LYRM7: variants seen among roughly 807,000 people sequenced by gnomAD.
LYRM7 encodes the protein LYR motif containing 7.
Under a neutral mutation model 15.8 loss-of-function variants are expected in LYRM7, and 9 were observed. The observed-to-expected ratio is 0.57, with a 90% confidence interval of 0.34 to 0.99. The LOEUF is 0.99. Ranked by LOEUF, LYRM7 falls within the 50% of genes least tolerant of loss-of-function variation. The pLI, the probability that LYRM7 is intolerant of heterozygous loss-of-function variation, is 0.02. For missense variants in LYRM7, 115 were observed against 119.1 expected (o/e 0.97, Z 0.16); for synonymous variants, 39 against 39.4 (o/e 0.99, Z 0.04).
At chr5:131,179,202 T>G (rs1755648623) in intron 1 of LYRM7, among the ~76,000 whole-genome samples, 1 of 152,022 alleles carries the variant, frequency 6.6e-6, no homozygotes, top group Non-Finnish European at 1.5e-5. Flanking sequence ...TAACCATCCT[T>G]ATATTGTTTT....
At chr5:131,188,037 G>A (rs115678673) in intron 4 of LYRM7, among the ~76,000 whole-genome samples, 1,697 of 151,918 alleles carry the variant, frequency 0.011, 22 homozygotes, top group African/African-American at 0.038. Flanking sequence ...CAGGAGTCTA[G>A]ATTGAGCCCA....
chr5:131,180,024 A>G, intron 1 of LYRM7, 71 bp from the exon 2 acceptor site: 1 of 1,023,098 alleles, frequency 9.8e-7, no homozygotes, highest in Non-Finnish European at 1.5e-6. Flanking sequence ...CTGCTACCTC[A>G]ACTTCCCAAA....
Position 131,204,460 on chromosome 5 carries a change from A to G in LYRM7, c.*4859A>G, listed in dbSNP as rs893352105. On this transcript the variant is annotated 3_prime_UTR_variant, in exon 5 of 5. Transcript: ENST00000379380. ...GAATATTTTCCAAGAGTTGAAAAGG[A>G]TGAGGATACACACACACACACACAC... 7.1e-6 allele frequency: 1 copy of G among 140,760 alleles called. No homozygotes were observed. Among genetic ancestry groups the G allele is most frequent in the Non-Finnish European group, 1.5e-5 (1 of 65,866 alleles). 8.7% of individuals were successfully genotyped at this position (140,760 alleles called of 1,614,324 possible).
intron 4 of LYRM7, among the ~76,000 whole-genome samples, chr5:131,187,762 A>G (rs959278951): frequency 6.6e-6 from 1 of 152,026 alleles, no homozygotes; most frequent in Non-Finnish European, 1.5e-5. Flanking sequence ...CTGGTATTAC[A>G]TGCATGAGCC....
intron 4 of LYRM7, among the ~76,000 whole-genome samples, chr5:131,192,994 C>T (rs865866638): frequency 6.6e-6 from 1 of 152,014 alleles, no homozygotes; most frequent in Non-Finnish European, 1.5e-5. Flanking sequence ...CCCAGGACTT[C>T]GGGTCATTAT....
chr5:131,196,517 C>T (rs1755967901), intron 4 of LYRM7, among the ~76,000 whole-genome samples: 1 of 152,032 alleles, frequency 6.6e-6, no homozygotes, highest in Non-Finnish European at 1.5e-5. Flanking sequence ...CCTTTTCTCT[C>T]TTCTTCCCAT....
chr5:131,202,009 T>A lies in LYRM7; in HGVS notation c.*2408T>A, dbSNP rs1416670078. 6.6e-6 allele frequency: 1 copy of A among 151,882 alleles called. No individual in the cohort carries two copies. Among genetic ancestry groups the A allele is most frequent in the African/African-American group, 2.4e-5 (1 of 41,354 alleles). 9.4% of individuals were successfully genotyped at this position (151,882 alleles called of 1,614,324 possible). ...CCACCACACCTAGCTATTTTTTTTATTTTTAGTAAGGACAAGGTCTCATTA... is the reference window on the plus strand; with the variant it reads ...CCACCACACCTAGCTATTTTTTTTAATTTTAGTAAGGACAAGGTCTCATTA... On this transcript the variant is annotated 3_prime_UTR_variant, in exon 5 of 5. Coordinates refer to ENST00000379380, the MANE Select transcript of LYRM7 (RefSeq NM_181705.4).
chr5:131,182,649 A>G (rs1466349530), intron 3 of LYRM7, among the ~76,000 whole-genome samples: 6 of 152,174 alleles, frequency 3.9e-5, no homozygotes, highest in Non-Finnish European at 8.8e-5. Context: ...GGAAACTTCT[A>G]CTCTTAACTG....
intron 2 of LYRM7, 76 bp from the exon 3 acceptor site, chr5:131,182,153 G>A (rs1170357695): frequency 3.3e-6 from 4 of 1,220,620 alleles, no homozygotes; most frequent in Non-Finnish European, 4.4e-6. Flanking sequence ...CATTCATAGT[G>A]AATAATGTGT....
At chr5:131,184,280 T>G (rs1445565750) in intron 3 of LYRM7, among the ~76,000 whole-genome samples, 2 of 152,184 alleles carry the variant, frequency 1.3e-5, no homozygotes, top group Non-Finnish European at 2.9e-5. Flanking sequence ...TGCAATATGT[T>G]TTTTAGGTTG....
At chr5:131,180,039 T>C in intron 1 of LYRM7, 56 bp from the exon 2 acceptor site, 2 of 1,177,816 alleles carry the variant, frequency 1.7e-6, no homozygotes, top group Non-Finnish European at 2.5e-6. Context: ...CCCAAAGTGC[T>C]GGGATTACAG....
At chr5:131,188,147 G>A (rs1755826976) in intron 4 of LYRM7, among the ~76,000 whole-genome samples, 1 of 151,958 alleles carries the variant, frequency 6.6e-6, no homozygotes, top group African/African-American at 2.4e-5. Context: ...ATTCCAGCTA[G>A]TAGGGAGGCT....
rs150944820 is a variant in LYRM7, at chr5:131,190,711, G to C, written c.244+3602G>C. Among the ~76,000 whole-genome samples, 844 of 151,458 alleles carry C rather than the reference G, an allele frequency of 5.6e-3. 8 individuals carry two copies. Among genetic ancestry groups the C allele is most frequent in the African/African-American group, 0.02 (816 of 41,306 alleles). ...TCACCATGTTGGCCAGGCTGGTCTGGAACTCCTGACCTCAGGTGATCCACC... is the reference window on the plus strand; with the variant it reads ...TCACCATGTTGGCCAGGCTGGTCTGCAACTCCTGACCTCAGGTGATCCACC... On this transcript the variant is annotated intron_variant, in intron 4 of 4. Coordinates refer to ENST00000379380, the MANE Select transcript of LYRM7 (RefSeq NM_181705.4).
intron 1 of LYRM7, among the ~76,000 whole-genome samples, chr5:131,176,742 C>T (rs370462753): frequency 7.9e-5 from 12 of 151,558 alleles, no homozygotes; most frequent in African/African-American, 2.4e-4. Context: ...TCCCTTTTGG[C>T]GTCTCCCTTT....
intron 4 of LYRM7, among the ~76,000 whole-genome samples, chr5:131,197,541 CTTTTTTTTTT>C (rs60003952): frequency 2.9e-4 from 26 of 90,748 alleles, no homozygotes; most frequent in African/African-American, 1.0e-3. Flanking sequence ...TGTCTTCTGT[CTTTTTTTTTT>C]TTTTTTTTTT....
intron 4 of LYRM7, among the ~76,000 whole-genome samples, chr5:131,194,564 C>G (rs1427484447): frequency 2.6e-5 from 4 of 152,206 alleles, no homozygotes; most frequent in Admixed American, 2.6e-4. Context: ...GTATTCAGCA[C>G]AGAATCTGTT....
intron 2 of LYRM7, among the ~76,000 whole-genome samples, chr5:131,180,540 G>A (rs1240648307): frequency 1.3e-5 from 2 of 152,144 alleles, no homozygotes. Context: ...GAGCAGCTGT[G>A]AAAGAGAATC....
intron 2 of LYRM7, among the ~76,000 whole-genome samples, chr5:131,180,397 G>A (rs1755672970): frequency 6.6e-6 from 1 of 151,946 alleles, no homozygotes; most frequent in South Asian, 2.1e-4. Flanking sequence ...AAAAAGGCGA[G>A]GGACCAGAAT....
intron 2 of LYRM7, 88 bp downstream of exon 2, chr5:131,180,255 T>C (rs1438291392): frequency 6.2e-6 from 5 of 808,724 alleles, no homozygotes; most frequent in African/African-American, 1.7e-5. Flanking sequence ...TCAAGACCCA[T>C]TTTAGGGAAT....
Sources: allele counts gnomAD v4.1 joint callset (sites outside exome capture counted in the v4.1 genomes callset), GRCh38; gene constraint gnomAD v4.1.1; transcripts MANE v1.5; gene names NCBI Gene and HGNC (gene_info 2026-07-23, HGNC 2026-07-21).